KAT6A: variants seen among roughly 807,000 people sequenced by gnomAD.
KAT6A encodes the protein lysine acetyltransferase 6A, also known as histone acetyltransferase KAT6A.
Under a neutral mutation model 198.4 loss-of-function variants are expected in KAT6A, and 9 were observed. That is an observed-to-expected ratio of 0.05 (90% CI 0.03 to 0.08). The LOEUF is 0.08. Among genes scored for constraint, KAT6A ranks in the 10% least tolerant of loss-of-function variants. The pLI is 1.00. For missense variants in KAT6A, 2,077 were observed against 2,509.9 expected (o/e 0.83, Z 3.69); for synonymous variants, 890 against 883.0 (o/e 1.01, Z -0.14).
intron 2 of KAT6A, among the ~76,000 whole-genome samples, chr8:41,994,176 TAAAAG>T (rs1028373117): frequency 9.9e-5 from 15 of 151,998 alleles, no homozygotes; most frequent in Non-Finnish European, 1.6e-4. Flanking sequence ...CTACAACTAA[TAAAAG>T]AAAAAAGGTT....
intron 2 of KAT6A, among the ~76,000 whole-genome samples, chr8:42,025,336 C>T (rs1168595184): frequency 6.6e-6 from 1 of 150,794 alleles, no homozygotes; most frequent in Non-Finnish European, 1.5e-5. Context: ...CTCAGCCTTC[C>T]GAGTAGCTGG....
At chr8:41,942,183 C>G (rs1475968310) in intron 14 of KAT6A, 1 of 211,540 alleles carries the variant, frequency 4.7e-6, no homozygotes, top group Admixed American at 5.8e-5. Flanking sequence ...AGTTCACCAG[C>G]AACCCTTTAA....
intron 2 of KAT6A, among the ~76,000 whole-genome samples, chr8:41,997,752 T>G (rs1207401675): frequency 6.6e-6 from 1 of 152,092 alleles, no homozygotes; most frequent in Non-Finnish European, 1.5e-5. Flanking sequence ...TTCATCCTAC[T>G]CCCTTCTTCT....
intron 2 of KAT6A, among the ~76,000 whole-genome samples, chr8:42,007,820 G>A (rs1825820195): frequency 6.6e-6 from 1 of 151,882 alleles, no homozygotes; most frequent in African/African-American, 2.4e-5. Context: ...AAATTAGCCG[G>A]GTGTGATGGC....
At chr8:41,997,043 T>C (rs1481540065) in intron 2 of KAT6A, among the ~76,000 whole-genome samples, 1 of 152,178 alleles carries the variant, frequency 6.6e-6, no homozygotes, top group Non-Finnish European at 1.5e-5. Context: ...TGGGAAGTTA[T>C]TGTTTAATGG....
chr8:42,051,198 G>C (rs920600181), intron 1 of KAT6A, among the ~76,000 whole-genome samples: 1 of 152,016 alleles, frequency 6.6e-6, no homozygotes, highest in African/African-American at 2.4e-5. Flanking sequence ...CGGGTTGCTG[G>C]GAGCCTGACA....
At chr8:41,966,172 G>A (rs1823479602) in intron 8 of KAT6A, among the ~76,000 whole-genome samples, 1 of 151,966 alleles carries the variant, frequency 6.6e-6, no homozygotes, top group South Asian at 2.1e-4. Flanking sequence ...AAATAAATGT[G>A]AGCTTCTGCT....
In KAT6A at chr8:41,941,014, T is replaced by G; in HGVS notation, c.2867A>C (p.Glu956Ala). Residue 956 changes from glutamate to alanine, a missense_variant, in exon 15 of 17, where the codon GAG (glutamate) becomes GCG (alanine). By Grantham distance (107) the Glu-to-Ala change is moderately radical. Around this residue, in one of 13 missense-constraint regions of KAT6A, gnomAD observed 301 missense variants for 272.2 expected, o/e 1.11. Transcript: ENST00000265713. The stretch of plus-strand genomic sequence containing the variant: ...TTCTGTTAATCTGCACTTCAGAGCC[T>G]CAGGGCTTTTCTTGAGCTGTCCTCG... Reference protein sequence around the residue: ...PWRGQLKKSPEALKCRLTEGS... With the variant: ...PWRGQLKKSPAALKCRLTEGS... 6.2e-7 allele frequency: 1 copy of G among 1,614,142 alleles called. No individual in the cohort carries two copies. Among genetic ancestry groups the G allele is most frequent in the Non-Finnish European group, 8.5e-7 (1 of 1,180,040 alleles).
intron 2 of KAT6A, among the ~76,000 whole-genome samples, chr8:42,012,875 A>T (rs1427085222): frequency 6.6e-6 from 1 of 152,252 alleles, no homozygotes; most frequent in Non-Finnish European, 1.5e-5. Flanking sequence ...AGTACTACTC[A>T]GCAACAAAAA....
chr8:42,018,966 C>A (rs1021311855), intron 2 of KAT6A, among the ~76,000 whole-genome samples: 4 of 152,138 alleles, frequency 2.6e-5, no homozygotes, highest in Admixed American at 2.6e-4. Flanking sequence ...CCATGTAGAA[C>A]AAGTTGTTCG....
At position 41,934,113 on chromosome 8, in the gene KAT6A, G is replaced by T. The variant is rs371651920; in HGVS notation, c.4107C>A (p.Thr1369=). 1.2e-6 allele frequency: 2 copies of T among 1,613,996 alleles called. No homozygotes were observed. Among genetic ancestry groups the T allele is most frequent in the Non-Finnish European group, 1.7e-6 (2 of 1,180,018 alleles). The part of the protein sequence containing the change: ...SREKIKDKEE[T]ELDSEEEQPS... ...GCTGCTCCTCTTCGGAATCCAGCTC[G>T]GTTTCCTCTTTATCCTTTATCTTTT... The change falls in exon 17 of 17, where the codon ACC becomes ACA. Residue 1369 remains threonine (T), a synonymous_variant. Coordinates refer to ENST00000265713, the MANE Select transcript of KAT6A (RefSeq NM_006766.5).
At chr8:42,047,999 T>C (rs929924049) in intron 2 of KAT6A, among the ~76,000 whole-genome samples, 1 of 151,906 alleles carries the variant, frequency 6.6e-6, no homozygotes, top group African/African-American at 2.4e-5. Flanking sequence ...TGGCTGCTCA[T>C]CAACTTCCAG....
At chr8:41,990,979 G>A (rs1472064897) in intron 2 of KAT6A, among the ~76,000 whole-genome samples, 2 of 123,710 alleles carry the variant, frequency 1.6e-5, no homozygotes, top group East Asian at 2.3e-4. Context: ...TGGGTGACAG[G>A]GCGAGACTCC....
chr8:42,046,748 TATAGA>T (rs1465449163), intron 2 of KAT6A, among the ~76,000 whole-genome samples: 4 of 152,128 alleles, frequency 2.6e-5, no homozygotes, highest in African/African-American at 9.7e-5. Flanking sequence ...AGCACTTAAA[TATAGA>T]ATAAAGCATT....
intron 2 of KAT6A, among the ~76,000 whole-genome samples, chr8:42,000,007 T>C (rs1244033309): frequency 2.0e-5 from 3 of 152,222 alleles, no homozygotes; most frequent in Non-Finnish European, 2.9e-5. Flanking sequence ...ACTGACTGAT[T>C]GCCACTTCTT....
chr8:41,988,771 G>GTTTGGAGGAAAGCAA (rs981244784), intron 2 of KAT6A, among the ~76,000 whole-genome samples: 8 of 152,218 alleles, frequency 5.3e-5, no homozygotes, highest in African/African-American at 1.7e-4. Context: ...AAAGCAGAAA[G>GTTTGGAGGAAAGCAA]TTTGGAGGAA....
chr8:41,979,428 C>T (rs992935790), intron 5 of KAT6A, among the ~76,000 whole-genome samples: 2 of 151,846 alleles, frequency 1.3e-5, no homozygotes, highest in Non-Finnish European at 2.9e-5. Context: ...TACCTGAGGT[C>T]AGGAGTTTGA....
At chr8:42,027,589 T>G (rs1826886302) in intron 2 of KAT6A, among the ~76,000 whole-genome samples, 1 of 152,310 alleles carries the variant, frequency 6.6e-6, no homozygotes, top group African/African-American at 2.4e-5. Context: ...ATACAGTTGT[T>G]CATAATAGTT....
Position 42,024,358 on chromosome 8 carries a change from G to A in KAT6A, c.600+24020C>T, listed in dbSNP as rs560346638. On this transcript the variant is annotated intron_variant, in intron 2 of 16. Coordinates refer to ENST00000265713, the MANE Select transcript of KAT6A (RefSeq NM_006766.5). The stretch of plus-strand genomic sequence containing the variant: ...AATTGTACATCTTTATGAGGTACAC[G>A]TGATATTTTGATACCTGCATACAAT... 1.1e-4 allele frequency among the ~76,000 whole-genome samples: 16 copies of A among 152,198 alleles called. No homozygotes were observed. The South Asian group carries it at 2.7e-3, about 26-fold the overall frequency.
Sources: allele counts gnomAD v4.1 joint callset (sites outside exome capture counted in the v4.1 genomes callset), GRCh38; gene constraint gnomAD v4.1.1; regional missense constraint gnomAD v4.1.1; transcripts MANE v1.5; gene names NCBI Gene and HGNC (gene_info 2026-07-23, HGNC 2026-07-21).